WDPCP: variants seen among roughly 807,000 people sequenced by gnomAD.
WDPCP encodes the protein WD repeat containing planar cell polarity effector, also known as WD repeat-containing and planar cell polarity effector protein fritz homolog.
In WDPCP, 71 loss-of-function variants were observed where a neutral mutation model predicts 93.1. That is an observed-to-expected ratio of 0.76 (90% confidence interval 0.63 to 0.93). WDPCP has a LOEUF of 0.93. Among genes scored for constraint, WDPCP ranks in the 40% least tolerant of loss-of-function variants. The pLI, the probability that WDPCP is intolerant of heterozygous loss-of-function variation, is 0.00. For synonymous variants in WDPCP, 315 were observed against 315.0 expected, an observed-to-expected ratio of 1.00 and a Z score of 0.00; for missense variants, 844 against 887.4, an observed-to-expected ratio of 0.95 and a Z score of 0.62.
At chr2:63,142,453 C>T (rs1443900198) in intron 17 of WDPCP, among the ~76,000 whole-genome samples, 1 of 152,044 alleles carries the variant, frequency 6.6e-6, no homozygotes, top group Admixed American at 6.6e-5. Flanking sequence ...TCTGAAGGTT[C>T]CTTTTGGAGT....
chr2:63,687,969 A>C (rs1018432279), intron 2 of WDPCP, among the ~76,000 whole-genome samples: 4 of 152,222 alleles, frequency 2.6e-5, no homozygotes, highest in African/African-American at 9.6e-5. Context: ...GGATAAAGAA[A>C]ATGCGGTACT....
At chr2:63,790,701 GA>G (rs1670531873) in intron 2 of WDPCP, among the ~76,000 whole-genome samples, 1 of 152,148 alleles carries the variant, frequency 6.6e-6, no homozygotes, top group African/African-American at 2.4e-5. Flanking sequence ...AACTGATGAT[GA>G]AATAAAGGAA....
intron 2 of WDPCP, among the ~76,000 whole-genome samples, chr2:63,669,409 G>GA (rs1481110952): frequency 1.3e-5 from 2 of 151,024 alleles, no homozygotes; most frequent in Non-Finnish European, 2.9e-5. Flanking sequence ...ACCCAGGCTG[G>GA]AGTGCAGTGG....
At chr2:63,468,287 T>G (rs1190072452) in intron 6 of WDPCP, among the ~76,000 whole-genome samples, 1 of 152,198 alleles carries the variant, frequency 6.6e-6, no homozygotes, top group Non-Finnish European at 1.5e-5. Flanking sequence ...ATCTCTCACA[T>G]GGCTAGTACT....
intron 6 of WDPCP, among the ~76,000 whole-genome samples, chr2:63,480,271 T>C (rs1700189410): frequency 6.6e-6 from 1 of 152,164 alleles, no homozygotes; most frequent in Non-Finnish European, 1.5e-5. Flanking sequence ...CCCATGCTCA[T>C]GGATGGGTAG....
At chr2:63,333,520 C>G (rs1688130228) in intron 12 of WDPCP, among the ~76,000 whole-genome samples, 1 of 152,176 alleles carries the variant, frequency 6.6e-6, no homozygotes, top group Non-Finnish European at 1.5e-5. Context: ...CTGAGAGCTT[C>G]CGCTACACAA....
At chr2:63,737,483 C>T (rs1277929911) in intron 2 of WDPCP, among the ~76,000 whole-genome samples, 1 of 152,152 alleles carries the variant, frequency 6.6e-6, no homozygotes, top group Non-Finnish European at 1.5e-5. Flanking sequence ...ATTAGTCCTC[C>T]TTGCTGGGCT....
intron 12 of WDPCP, chr2:63,360,134 G>C (rs1350467423): frequency 6.6e-6 from 1 of 152,170 alleles, no homozygotes; most frequent in African/African-American, 2.4e-5. Context: ...CAGACTAGCA[G>C]CTTTATATAT....
intron 9 of WDPCP, among the ~76,000 whole-genome samples, chr2:63,408,298 C>T (rs1264679594): frequency 6.6e-6 from 1 of 152,116 alleles, no homozygotes; most frequent in African/African-American, 2.4e-5. Context: ...AGCCTCCTCT[C>T]CTGAACACAC....
intron 13 of WDPCP, among the ~76,000 whole-genome samples, chr2:63,264,966 C>A (rs1038841366): frequency 6.6e-6 from 1 of 152,094 alleles, no homozygotes; most frequent in Non-Finnish European, 1.5e-5. Context: ...TCTGAACAAC[C>A]AATTGGCCAA....
At chr2:63,168,350 T>C (rs1389689539) in intron 15 of WDPCP, among the ~76,000 whole-genome samples, 1 of 151,958 alleles carries the variant, frequency 6.6e-6, no homozygotes, top group Non-Finnish European at 1.5e-5. Flanking sequence ...GGTTTCTTAT[T>C]ATTTTCATTT....
intron 15 of WDPCP, among the ~76,000 whole-genome samples, chr2:63,174,451 C>T (rs1673646503): frequency 6.6e-6 from 1 of 151,858 alleles, no homozygotes; most frequent in Admixed American, 6.6e-5. Flanking sequence ...TCATTTTGGC[C>T]CAGAGTAACA....
intron 2 of WDPCP, among the ~76,000 whole-genome samples, chr2:63,802,731 A>T (rs192775492): frequency 4.7e-4 from 72 of 152,350 alleles, no homozygotes; most frequent in Non-Finnish European, 8.1e-4. Context: ...TATATAGTAC[A>T]GCTTTAAAAA....
chr2:63,448,677 C>G (rs1220079162), intron 6 of WDPCP, among the ~76,000 whole-genome samples: 1 of 152,128 alleles, frequency 6.6e-6, no homozygotes, highest in Non-Finnish European at 1.5e-5. Context: ...GAATACTATT[C>G]AGCCTTTAAA....
At chr2:63,527,011 T>A (rs960763223) in intron 1 of WDPCP, among the ~76,000 whole-genome samples, 3 of 152,030 alleles carry the variant, frequency 2.0e-5, no homozygotes, top group Non-Finnish European at 4.4e-5. Flanking sequence ...AAACTTAGAG[T>A]GTCAGCCATG....
At chr2:63,125,758 G>A (rs976448251) in intron 17 of WDPCP, among the ~76,000 whole-genome samples, 8 of 151,926 alleles carry the variant, frequency 5.3e-5, no homozygotes, top group African/African-American at 1.7e-4. Flanking sequence ...ACAGGCGCAC[G>A]TCACCACATC....
At chr2:63,311,061 C>T (rs1245499744) in intron 13 of WDPCP, among the ~76,000 whole-genome samples, 6 of 152,110 alleles carry the variant, frequency 3.9e-5, no homozygotes, top group Non-Finnish European at 7.4e-5. Flanking sequence ...CTCTGCTTTC[C>T]AGCCATATCA....
At chr2:63,207,762 A>G (rs77258865) in intron 14 of WDPCP, among the ~76,000 whole-genome samples, 2,644 of 152,140 alleles carry the variant, frequency 0.017, 84 homozygotes, top group African/African-American at 0.061. Context: ...TTACTACTAT[A>G]AAGTTTTTTT....
chr2:63,299,658 G>A (rs935323886), intron 13 of WDPCP, among the ~76,000 whole-genome samples: 38 of 152,108 alleles, frequency 2.5e-4, no homozygotes, highest in Non-Finnish European at 1.6e-4. Flanking sequence ...TACGAGCCTC[G>A]AGACCCTCTT....
Sources: gnomAD v4.1 joint callset for allele counts (sites outside exome capture counted in the v4.1 genomes callset) on GRCh38, gnomAD v4.1.1 for gene constraint, MANE v1.5 for transcripts, NCBI Gene and HGNC (gene_info 2026-07-23, HGNC 2026-07-21) for gene names.